Variants in RBFOX2 observed in about 807,000 individuals in gnomAD.
RBFOX2 encodes RNA binding protein fox-1 homolog 2.
In RBFOX2, 10 loss-of-function variants were observed where a neutral mutation model predicts 49.1. That is an observed-to-expected ratio of 0.20 (90% confidence interval 0.13 to 0.35). The LOEUF (loss-of-function observed/expected upper bound fraction) is 0.35, where lower values mean the gene tolerates loss of function less well. Among genes scored for constraint, RBFOX2 ranks in the 10% least tolerant of loss-of-function variants. The pLI, the probability that RBFOX2 is intolerant of heterozygous loss-of-function variation, is 1.00. For synonymous variants in RBFOX2, 183 were observed against 187.4 expected (o/e 0.98, Z 0.19); for missense variants, 323 against 486.9 (o/e 0.66, Z 3.17).
chr22:35,869,983 T>C (rs2044166465), intron 1 of RBFOX2, among the ~76,000 whole-genome samples: 1 of 152,020 alleles, frequency 6.6e-6, no homozygotes, highest in Admixed American at 6.6e-5. Context: ...ATACAGTCTC[T>C]TACTCTAACA....
At chr22:35,968,244 G>A (rs920322755) in intron 1 of RBFOX2, among the ~76,000 whole-genome samples, 3 of 152,214 alleles carry the variant, frequency 2.0e-5, no homozygotes, top group Non-Finnish European at 2.9e-5. Context: ...GAAAGGGTTA[G>A]TTAAGGGAAG....
chr22:35,839,467 G>A (rs1029942725), intron 1 of RBFOX2, among the ~76,000 whole-genome samples: 1 of 152,130 alleles, frequency 6.6e-6, no homozygotes, highest in African/African-American at 2.4e-5. Flanking sequence ...AGAGAGAAGA[G>A]AAGAGAGAAA....
intron 1 of RBFOX2, among the ~76,000 whole-genome samples, chr22:35,891,927 C>A (rs181776719): frequency 6.6e-6 from 1 of 151,736 alleles, no homozygotes. Context: ...GGCTCCCGAG[C>A]CACGAGTACT....
intron 1 of RBFOX2, among the ~76,000 whole-genome samples, chr22:35,904,611 G>T (rs937400573): frequency 6.6e-6 from 1 of 152,116 alleles, no homozygotes; most frequent in Admixed American, 6.5e-5. Context: ...TAATCATAAC[G>T]TCAATATGAA....
At chr22:35,996,307 A>G (rs2058187396) in intron 1 of RBFOX2, 2 of 152,182 alleles carry the variant, frequency 1.3e-5, no homozygotes, top group African/African-American at 2.4e-5. Context: ...TGAGGAAAGA[A>G]TTATCTTAAA....
intron 1 of RBFOX2, among the ~76,000 whole-genome samples, chr22:35,887,308 C>G (rs1319730107): frequency 1.3e-5 from 2 of 152,110 alleles, no homozygotes; most frequent in African/African-American, 2.4e-5. Context: ...TACCTCATAC[C>G]TGAACAACTA....
At chr22:35,926,950 A>C (rs2051718977) in intron 1 of RBFOX2, among the ~76,000 whole-genome samples, 1 of 152,222 alleles carries the variant, frequency 6.6e-6, no homozygotes, top group Non-Finnish European at 1.5e-5. Flanking sequence ...TCAGGCAATA[A>C]GTCACTCTTG....
intron 5 of RBFOX2, among the ~76,000 whole-genome samples, chr22:35,767,457 G>A (rs1211217498): frequency 1.3e-5 from 2 of 151,994 alleles, no homozygotes; most frequent in Non-Finnish European, 2.9e-5. Flanking sequence ...CCATTGGAAA[G>A]GAGGGGAAAA....
At chr22:35,972,647 A>AT (rs2056942840) in intron 1 of RBFOX2, among the ~76,000 whole-genome samples, 2 of 152,200 alleles carry the variant, frequency 1.3e-5, no homozygotes, top group African/African-American at 4.8e-5. Flanking sequence ...CTAATAAAAC[A>AT]TAAGAGTACA....
chr22:35,954,967 A>G (rs1447768982), intron 1 of RBFOX2, among the ~76,000 whole-genome samples: 1 of 152,236 alleles, frequency 6.6e-6, no homozygotes, highest in African/African-American at 2.4e-5. Context: ...GACCACAAAT[A>G]GCTAATTTCC....
chr22:35,873,996 A>G (rs771143018), intron 1 of RBFOX2, among the ~76,000 whole-genome samples: 48 of 152,194 alleles, frequency 3.2e-4, no homozygotes, highest in Middle Eastern at 3.2e-3. Flanking sequence ...CAAATGTCAC[A>G]GATCAAAAGG....
At chr22:35,963,782 G>A (rs2056399664), upstream of RBFOX2, among the ~76,000 whole-genome samples, 1 of 152,138 alleles carries the variant, frequency 6.6e-6, no homozygotes, top group African/African-American at 2.4e-5. Flanking sequence ...GTCTCACTCT[G>A]TCGCCCAGGC....
At chr22:35,981,833 A>G (rs1347760195) in intron 1 of RBFOX2, among the ~76,000 whole-genome samples, 1 of 152,164 alleles carries the variant, frequency 6.6e-6, no homozygotes, top group Non-Finnish European at 1.5e-5. Context: ...AGGCCCCAAA[A>G]GATCAAGGCA....
Position 35,755,334 on chromosome 22 carries a change from T to A in RBFOX2, c.887+4554A>T, listed in dbSNP as rs574524289. ...CAATTATATCACTTTGTCCACATTTTAAATAATATGTGACAAACCAATCAT... is the reference window on the plus strand; with the variant it reads ...CAATTATATCACTTTGTCCACATTTAAAATAATATGTGACAAACCAATCAT... On this transcript the variant is annotated intron_variant, in intron 9 of 11. Transcript: ENST00000405409. Among the ~76,000 whole-genome samples the A allele has an allele frequency of 3.9e-5, 6 of 152,350 alleles. No homozygotes were observed. The South Asian group carries it at 1.2e-3, about 32-fold the overall frequency.
intron 1 of RBFOX2, among the ~76,000 whole-genome samples, chr22:35,812,795 G>A (rs188659526): frequency 1.5e-4 from 23 of 152,276 alleles, no homozygotes; most frequent in Non-Finnish European, 2.6e-4. Flanking sequence ...CAGCCTCCTC[G>A]TTTTACTCCA....
chr22:36,010,568 T>C (rs2058779258), intron 1 of RBFOX2, among the ~76,000 whole-genome samples: 1 of 152,024 alleles, frequency 6.6e-6, no homozygotes, highest in Non-Finnish European at 1.5e-5. Context: ...TCTTCTATAA[T>C]ATTCTCACGG....
At chr22:35,826,465 G>A (rs538323143) in intron 1 of RBFOX2, among the ~76,000 whole-genome samples, 1 of 151,650 alleles carries the variant, frequency 6.6e-6, no homozygotes, top group South Asian at 2.1e-4. Context: ...TAATCTTAAA[G>A]TTCTCCATGT....
At chr22:35,825,981 CAA>C (rs901630936) in intron 1 of RBFOX2, among the ~76,000 whole-genome samples, 14 of 39,852 alleles carry the variant, frequency 3.5e-4, no homozygotes, top group East Asian at 7.1e-4. Flanking sequence ...GACTCCGCTT[CAA>C]AAAAAAAAAA....
exon 12 of RBFOX2, chr22:35,743,976 C>A (rs1037058350): frequency 1.3e-5 from 5 of 393,730 alleles, no homozygotes; most frequent in South Asian, 1.4e-4. Context: ...GAAAAAAATG[C>A]ACAATCTTTG....
Sources: gnomAD v4.1 joint callset for allele counts (sites outside exome capture counted in the v4.1 genomes callset) on GRCh38, gnomAD v4.1.1 for gene constraint, MANE v1.5 for transcripts, NCBI Gene and HGNC (gene_info 2026-07-23, HGNC 2026-07-21) for gene names.